Variants in NCKAP5 observed in about 807,000 individuals in gnomAD.
The protein encoded by NCKAP5 is nck-associated protein 5.
In NCKAP5, 92 loss-of-function variants were observed where a neutral mutation model predicts 167.0. The observed-to-expected ratio is 0.55, with a 90% confidence interval of 0.47 to 0.66. The LOEUF (loss-of-function observed/expected upper bound fraction) is 0.66. NCKAP5 is among the 30% of genes least tolerant of loss of function. The probability of loss-of-function intolerance (pLI) is 0.00; values close to 1 mark genes in which losing one functional copy is unlikely to be tolerated. For missense variants in NCKAP5, 2,378 were observed against 2,315.0 expected, an observed-to-expected ratio of 1.03 and a Z score of -0.56; for synonymous variants, 891 against 877.4, an observed-to-expected ratio of 1.02 and a Z score of -0.27.
At chr2:133,076,468 CG>C (rs2080606739) in intron 6 of NCKAP5, among the ~76,000 whole-genome samples, 1 of 151,274 alleles carries the variant, frequency 6.6e-6, no homozygotes, top group Admixed American at 6.7e-5. Context: ...ATCCATCCTA[CG>C]TATGAAAAAA....
In NCKAP5 at chr2:133,197,620, A is replaced by T. The variant is rs555741247; in HGVS notation, c.207+16096T>A. Among the ~76,000 whole-genome samples the T allele has an allele frequency of 5.3e-5, 8 of 152,254 alleles. No homozygotes were observed. In the East Asian group the frequency reaches 1.5e-3, roughly 29 times the overall value. ...GTTGGTTTAAAAAAAAAACAAAAAC[A>T]GGGCTTTAAAGAACGAAATATAACC... On this transcript the variant is annotated intron_variant, in intron 5 of 19. Transcript: ENST00000409261.
At chr2:133,497,607 C>T (rs1489304011) in intron 3 of NCKAP5, among the ~76,000 whole-genome samples, 1 of 152,196 alleles carries the variant, frequency 6.6e-6, no homozygotes, top group Non-Finnish European at 1.5e-5. Context: ...TCACTAATCG[C>T]CTTGTCCTAT....
chr2:133,518,922 AAT>A (rs1212298126), intron 2 of NCKAP5, among the ~76,000 whole-genome samples: 1 of 152,230 alleles, frequency 6.6e-6, no homozygotes, highest in African/African-American at 2.4e-5. Context: ...AATTGCTCAT[AAT>A]CCTTGTAAAT....
chr2:133,308,860 G>A (rs1294567230), intron 3 of NCKAP5, among the ~76,000 whole-genome samples: 1 of 149,456 alleles, frequency 6.7e-6, no homozygotes, highest in East Asian at 2.0e-4. Context: ...ACAGGCGCCC[G>A]CCACCGCGCC....
chr2:133,153,067 T>G (rs762094145), intron 5 of NCKAP5, among the ~76,000 whole-genome samples: 3 of 152,200 alleles, frequency 2.0e-5, no homozygotes, highest in Admixed American at 1.3e-4. Context: ...ACACAAAGTT[T>G]TGGCAAAGTT....
chr2:133,629,033 C>T, the NCKAP5 span, among the ~76,000 whole-genome samples: 1 of 152,092 alleles, frequency 6.6e-6, no homozygotes, highest in East Asian at 1.9e-4. Flanking sequence ...CTATAGAAAC[C>T]CTAGAAGAAA....
chr2:132,951,838 C>T (rs909182029), intron 8 of NCKAP5, among the ~76,000 whole-genome samples: 1 of 152,154 alleles, frequency 6.6e-6, no homozygotes, highest in Non-Finnish European at 1.5e-5. Flanking sequence ...ATCAATCATA[C>T]TGCTTTTTGA....
At chr2:133,130,681 G>A (rs2082569014) in intron 5 of NCKAP5, among the ~76,000 whole-genome samples, 1 of 152,164 alleles carries the variant, frequency 6.6e-6, no homozygotes, top group Non-Finnish European at 1.5e-5. Flanking sequence ...TAGATAACTA[G>A]CTCATCTCAC....
At chr2:133,431,001 G>A (rs533575244) in intron 3 of NCKAP5, among the ~76,000 whole-genome samples, 1 of 151,206 alleles carries the variant, frequency 6.6e-6, no homozygotes, top group Admixed American at 6.7e-5. Context: ...GAAAAAGAAA[G>A]AGAAAGAAAA....
intron 11 of NCKAP5, among the ~76,000 whole-genome samples, chr2:132,827,477 T>G (rs1014479223): frequency 2.6e-5 from 4 of 152,204 alleles, no homozygotes; most frequent in African/African-American, 7.2e-5. Flanking sequence ...TAATGTACAG[T>G]GATCATATCA....
intron 3 of NCKAP5, among the ~76,000 whole-genome samples, chr2:133,493,644 G>T (rs962968745): frequency 2.6e-5 from 4 of 152,150 alleles, no homozygotes; most frequent in African/African-American, 9.7e-5. Flanking sequence ...CTTAATTCCA[G>T]GTTCATTTTA....
intron 3 of NCKAP5, among the ~76,000 whole-genome samples, chr2:133,322,679 G>T (rs1574698942): frequency 6.6e-6 from 1 of 152,292 alleles, no homozygotes; most frequent in East Asian, 1.9e-4. Context: ...TTGCATTTGA[G>T]AATCTATCCT....
intron 2 of NCKAP5, among the ~76,000 whole-genome samples, chr2:133,548,824 C>A (rs957159197): frequency 6.6e-6 from 1 of 151,734 alleles, no homozygotes; most frequent in South Asian, 2.1e-4. Flanking sequence ...CATCAACTAA[C>A]GAGCAAAATC....
chr2:133,144,344 A>G (rs2083109136), intron 5 of NCKAP5, among the ~76,000 whole-genome samples: 1 of 152,134 alleles, frequency 6.6e-6, no homozygotes, highest in South Asian at 2.1e-4. Context: ...TTACAAAAAT[A>G]GGTAGGGAGG....
the NCKAP5 span, among the ~76,000 whole-genome samples, chr2:133,667,006 C>G: frequency 1.3e-5 from 2 of 152,020 alleles, no homozygotes; most frequent in African/African-American, 4.8e-5. Context: ...GGCATGCAAT[C>G]TTAATTTCCT....
chr2:132,754,379 CTACT>C (rs1167463398), intron 16 of NCKAP5, among the ~76,000 whole-genome samples: 27 of 144,910 alleles, frequency 1.9e-4, no homozygotes, highest in African/African-American at 6.4e-4. Flanking sequence ...ACAAAGCCAC[CTACT>C]ATTTATTCAA....
At chr2:133,182,766 G>A (rs1016996519) in intron 5 of NCKAP5, among the ~76,000 whole-genome samples, 1 of 151,916 alleles carries the variant, frequency 6.6e-6, no homozygotes, top group African/African-American at 2.4e-5. Context: ...AAATATAAGA[G>A]CAGAAATCAA....
chr2:132,784,010 C>T lies in NCKAP5; in HGVS notation c.2801G>A (p.Gly934Asp), dbSNP rs568563437. 2.1e-5 allele frequency: 34 copies of T among 1,581,690 alleles called. No individual in the cohort carries two copies. The Middle Eastern group carries it at 5.1e-4, about 24-fold the overall frequency. The change falls in exon 14 of 20, where the codon GGC (glycine) becomes GAC (aspartate). Residue 934 changes from glycine to aspartate, a missense_variant. Gly to Asp is a moderately conservative substitution (Grantham distance 94). This residue lies in a region of NCKAP5 where 1,325 missense variants were observed against 1,274.5 expected (regional missense o/e 1.04). Transcript: ENST00000409261. ...VKSPSPPPPP[G>D]RSVSLLARPS... ...CCTGGCCAGCAGGGAGACGGACCTG[C>T]CTGGAGGGGGCGGAGGGGAAGGGGA...
chr2:133,410,199 G>A (rs999676653), intron 3 of NCKAP5, among the ~76,000 whole-genome samples: 2 of 152,206 alleles, frequency 1.3e-5, no homozygotes, highest in African/African-American at 4.8e-5. Flanking sequence ...ACTACACATT[G>A]CTGGTTCCGT....
Sources: gnomAD v4.1 joint callset for allele counts (sites outside exome capture counted in the v4.1 genomes callset) on GRCh38, gnomAD v4.1.1 for gene constraint, gnomAD v4.1.1 regional missense constraint, MANE v1.5 for transcripts, NCBI Gene and HGNC (gene_info 2026-07-23, HGNC 2026-07-21) for gene names.